PDGFRB: variants seen among roughly 807,000 people sequenced by gnomAD.
The protein encoded by PDGFRB is platelet derived growth factor receptor beta, also known as platelet-derived growth factor receptor beta.
PDGFRB carries 42 observed loss-of-function variants against 120.2 expected under a neutral mutation model. The observed-to-expected ratio is 0.35, with a 90% CI of 0.27 to 0.45. PDGFRB has a LOEUF of 0.45. Ranked by LOEUF, PDGFRB falls within the 20% of genes least tolerant of loss-of-function variation. The probability of loss-of-function intolerance (pLI) is 1.00; values close to 1 mark genes in which losing one functional copy is unlikely to be tolerated. For missense variants in PDGFRB, 1,149 were observed against 1,476.3 expected (o/e 0.78, Z 3.63); for synonymous variants, 586 against 606.8 (o/e 0.97, Z 0.50).
chr5:150,153,094 G>A (rs1761124095), intron 1 of PDGFRB, among the ~76,000 whole-genome samples: 1 of 152,262 alleles, frequency 6.6e-6, no homozygotes, highest in South Asian at 2.1e-4. Flanking sequence ...TGGGGGGTCT[G>A]AGGTTGGCCA....
At chr5:150,126,019 C>T (rs548420293) in intron 11 of PDGFRB, among the ~76,000 whole-genome samples, 3 of 152,320 alleles carry the variant, frequency 2.0e-5, no homozygotes, top group African/African-American at 2.4e-5. Flanking sequence ...GTGTTGGAAC[C>T]ACAGGACTGG....
intron 1 of PDGFRB, among the ~76,000 whole-genome samples, chr5:150,152,141 G>A (rs1315610234): frequency 6.6e-6 from 1 of 151,764 alleles, no homozygotes; most frequent in Non-Finnish European, 1.5e-5. Flanking sequence ...TCCAGACCTC[G>A]GGTGATCCAC....
At chr5:150,126,373 C>T (rs886467837) in intron 11 of PDGFRB, 147 bp downstream of exon 11, 1 of 652,886 alleles carries the variant, frequency 1.5e-6, no homozygotes, top group African/African-American at 1.8e-5. Context: ...GAAGCTGAGA[C>T]AGCCAGCGTC....
In PDGFRB at chr5:150,120,794, T is replaced by C; in HGVS notation, c.2586+94A>G. ...GGCCACAAGGAGCCCCACACAGATT[T>C]CCTATGAGCTGCAGCCACACTGGTC... On this transcript the variant is annotated intron_variant, in intron 18 of 22. Coordinates refer to ENST00000261799, the MANE Select transcript of PDGFRB (RefSeq NM_002609.4). The surrounding 1 kb of genome is among the most constrained non-coding windows in gnomAD (Gnocchi z 4.3). 1 of 1,194,258 alleles carries C rather than the reference T, an allele frequency of 8.4e-7. No homozygotes were observed. Among genetic ancestry groups the C allele is most frequent in the Non-Finnish European group, 1.2e-6 (1 of 825,158 alleles). 74.0% of individuals were successfully genotyped at this position (1,194,258 alleles called of 1,614,324 possible). A position where few individuals can be genotyped will look rare whatever the true frequency, so the allele number is the denominator to read the frequency against.
chr5:150,130,739 G>A (rs1161575763), intron 8 of PDGFRB, 77 bp from the exon 9 acceptor site: 6 of 1,316,294 alleles, frequency 4.6e-6, no homozygotes, highest in Non-Finnish European at 6.4e-6. Context: ...GGGAGGACCT[G>A]GCCCAGAGAC....
chr5:150,125,663 G>A (rs1760274741), intron 11 of PDGFRB, 86 bp from the exon 12 acceptor site: 1 of 1,339,600 alleles, frequency 7.5e-7, no homozygotes, highest in African/African-American at 1.4e-5. Flanking sequence ...GACACATGGG[G>A]CAGGAGACCC....
In PDGFRB at chr5:150,129,903, G is replaced by C. The variant is rs1386853940; in HGVS notation, c.1433C>G (p.Thr478Ser). The stretch of plus-strand genomic sequence containing the variant: ...CTCCTCCTCCCAGTACGTCACGTTA[G>C]TCTCCAGCTGGCTCTCCTCTTCGGA... ...NSSEEESQLE[T>S]NVTYWEEEQE... The change falls in exon 10 of 23, where the codon ACT becomes AGT. Residue 478 changes from threonine to serine, a missense_variant. Coordinates refer to ENST00000261799, the MANE Select transcript of PDGFRB (RefSeq NM_002609.4). The C allele has an allele frequency of 6.2e-7, 1 of 1,614,072 alleles. No homozygotes were observed. The highest frequency in any genetic ancestry group is 8.5e-7 in the Non-Finnish European group (1 of 1,180,032).
chr5:150,142,934 T>C (rs1760821858), intron 1 of PDGFRB, among the ~76,000 whole-genome samples: 1 of 151,700 alleles, frequency 6.6e-6, no homozygotes, highest in Admixed American at 6.6e-5. Context: ...GGAAGTGAGG[T>C]GATGGCGTAA....
At position 150,125,586 on chromosome 5, in the gene PDGFRB, C is replaced by T; in HGVS notation, c.1675-9G>A. The stretch of plus-strand genomic sequence containing the variant: ...ATCTCGTAACGTGGCTTCTGGAGGA[C>T]CAACCCCAGGAATTAGTTATCAGAG... On this transcript the variant is annotated splice_polypyrimidine_tract_variant and intron_variant, in intron 11 of 22. Coordinates refer to ENST00000261799, the MANE Select transcript of PDGFRB (RefSeq NM_002609.4). The T allele has an allele frequency of 1.2e-6, 2 of 1,613,650 alleles. No homozygotes were observed. The highest frequency in any genetic ancestry group is 1.7e-6 in the Non-Finnish European group (2 of 1,179,672).
At chr5:150,130,307 T>G (rs1251988156) in intron 9 of PDGFRB, among the ~76,000 whole-genome samples, 8 of 152,118 alleles carry the variant, frequency 5.3e-5, no homozygotes, top group Admixed American at 5.2e-4. Context: ...GTGAGGTCTC[T>G]GGGGCTCAGA....
intron 11 of PDGFRB, among the ~76,000 whole-genome samples, 198 bp from the exon 12 acceptor site, chr5:150,125,775 C>A (rs1205642959): frequency 1.3e-5 from 2 of 152,178 alleles, no homozygotes; most frequent in East Asian, 3.9e-4. Context: ...CCAAGGGGCC[C>A]CAGAGGAGGC....
In PDGFRB at chr5:150,128,990, C is replaced by A. The variant is rs1760373228; in HGVS notation, c.1579+767G>T. Among the ~76,000 whole-genome samples, 3 of 152,280 alleles carry A rather than the reference C, an allele frequency of 2.0e-5. No individual in the cohort carries two copies. In the South Asian group the frequency reaches 6.2e-4, roughly 32 times the overall value. On this transcript the variant is annotated intron_variant, in intron 10 of 22. Coordinates refer to ENST00000261799, the MANE Select transcript of PDGFRB (RefSeq NM_002609.4). ...GCATAAGGACGGGCAGCTAGATACA[C>A]AAAAGCATCAAGACACTGGTAGGCA...
chr5:150,130,760 G>A (rs1760443457), intron 8 of PDGFRB, 98 bp from the exon 9 acceptor site: 13 of 1,026,902 alleles, frequency 1.3e-5, no homozygotes, highest in Non-Finnish European at 1.9e-5. Flanking sequence ...TCTCTTGGGG[G>A]AGGAGGGCTG....
At chr5:150,123,552 T>C (rs941548428) in intron 14 of PDGFRB, among the ~76,000 whole-genome samples, 42 of 152,302 alleles carry the variant, frequency 2.8e-4, no homozygotes, top group African/African-American at 9.6e-4. Context: ...TGGAGCCCAG[T>C]ATAGAAAGCA....
rs1449264993 is a variant in PDGFRB at position 150,121,458 on chromosome 5, A to AT, written c.2345-137dup. The AT allele has an allele frequency of 1.5e-6, 1 of 663,920 alleles. No individual in the cohort carries two copies. Among genetic ancestry groups the AT allele is most frequent in the Non-Finnish European group, 2.8e-6 (1 of 363,264 alleles). The allele number at this position is 663,920 out of a possible 1,614,324, so 41.1% of individuals were successfully genotyped here. On this transcript the variant is annotated intron_variant, in intron 16 of 22. Transcript: ENST00000261799. The surrounding 1 kb of genome is among the most constrained non-coding windows in gnomAD (Gnocchi z 4.1). ...CGTCTAGGTCTCCCCTAAAAGGAGA[A>AT]TGATTTCTTAATATCAAACTCAAAG...
At position 150,155,675 on chromosome 5, in the gene PDGFRB, C is replaced by T. The variant is rs1235751209; in HGVS notation, c.-285G>A. ...GGGAGGAGCAGAGCCGCCAGAGGGGCCGCCCTGGGTCTGGCTGTCTGCGTT... is the reference window on the plus strand; with the variant it reads ...GGGAGGAGCAGAGCCGCCAGAGGGGTCGCCCTGGGTCTGGCTGTCTGCGTT... On this transcript the variant is annotated 5_prime_UTR_variant, in exon 1 of 23. Transcript: ENST00000261799. 1.0e-5 allele frequency: 4 copies of T among 398,566 alleles called. No individual in the cohort carries two copies. The highest frequency in any genetic ancestry group is 1.8e-5 in the Non-Finnish European group (4 of 226,134). 24.7% of individuals were successfully genotyped at this position (398,566 alleles called of 1,614,324 possible). A position where few individuals can be genotyped will look rare whatever the true frequency, so the allele number is the denominator to read the frequency against.
intron 10 of PDGFRB, 62 bp from the exon 11 acceptor site, chr5:150,126,676 T>C: frequency 1.2e-6 from 1 of 860,862 alleles, no homozygotes; most frequent in Non-Finnish European, 2.0e-6. Flanking sequence ...CCTCACCCCA[T>C]CTTTGGCATC....
intron 2 of PDGFRB, among the ~76,000 whole-genome samples, chr5:150,136,763 G>A (rs1257749689): frequency 6.6e-6 from 1 of 152,160 alleles, no homozygotes; most frequent in Admixed American, 6.5e-5. Flanking sequence ...GGGTCTGGAG[G>A]GCCAATCAAA....
rs3836743 is a variant in PDGFRB at position 150,117,544 on chromosome 5, G to GCACA, written c.3137+70_3137+73dup. On this transcript the variant is annotated intron_variant, in intron 22 of 22. Transcript: ENST00000261799. Reference sequence around the variant, plus strand: ...AACCTGGCAGCGCGCGCGCGCGCGCGCACACACACACACACACACACACAC... The same window carrying GCACA: ...AACCTGGCAGCGCGCGCGCGCGCGCGCACACACACACACACACACACACACACAC... 9.1e-3 allele frequency: 4,683 copies of GCACA among 514,938 alleles called. 13 individuals are homozygous for GCACA. The highest frequency in any genetic ancestry group is 0.013 in the East Asian group (430 of 32,082). The allele number at this position is 514,938 out of a possible 1,614,324, so 31.9% of individuals were successfully genotyped here.
Sources: gnomAD v4.1 joint callset for allele counts (sites outside exome capture counted in the v4.1 genomes callset) on GRCh38, gnomAD v4.1.1 for gene constraint, Gnocchi (gnomAD v3.1) non-coding constraint, MANE v1.5 for transcripts, NCBI Gene and HGNC (gene_info 2026-07-23, HGNC 2026-07-21) for gene names.